Variants in DGKB observed in about 807,000 individuals in gnomAD.
DGKB encodes diacylglycerol kinase beta, also known as 90 kDa diacylglycerol kinase.
DGKB carries 67 observed loss-of-function variants against 114.3 expected under a neutral mutation model. The ratio of observed to expected loss-of-function variants is 0.59; its 90% CI spans 0.48 to 0.72. DGKB has a LOEUF of 0.72. DGKB is among the 30% of genes least tolerant of loss of function. DGKB has a pLI of 0.00. For synonymous variants in DGKB, 398 were observed against 323.1 expected, an observed-to-expected ratio of 1.23 and a Z score of -2.49; for missense variants, 907 against 975.2, an observed-to-expected ratio of 0.93 and a Z score of 0.93.
chr7:14,650,871 C>G (rs1050961407), intron 13 of DGKB, among the ~76,000 whole-genome samples: 3 of 151,808 alleles, frequency 2.0e-5, no homozygotes, highest in African/African-American at 4.8e-5. Context: ...ACAAACACCT[C>G]TACGCAAATA....
chr7:14,801,652 C>G (rs1586606860), intron 2 of DGKB, among the ~76,000 whole-genome samples: 1 of 151,974 alleles, frequency 6.6e-6, no homozygotes, highest in Non-Finnish European at 1.5e-5. Flanking sequence ...CTGGGACTAA[C>G]AGTTACACTA....
At chr7:14,811,206 T>G (rs1307305025) in intron 2 of DGKB, among the ~76,000 whole-genome samples, 1 of 152,102 alleles carries the variant, frequency 6.6e-6, no homozygotes, top group African/African-American at 2.4e-5. Context: ...CTGTAAAAAA[T>G]TATCTGTTTA....
intron 23 of DGKB, among the ~76,000 whole-genome samples, chr7:14,226,255 C>A (rs1023621842): frequency 1.3e-5 from 2 of 151,878 alleles, no homozygotes; most frequent in Admixed American, 1.3e-4. Context: ...TCCCTAGTTA[C>A]TCATTTTTTT....
At chr7:14,425,950 TG>T (rs1239962878) in intron 21 of DGKB, among the ~76,000 whole-genome samples, 1 of 152,190 alleles carries the variant, frequency 6.6e-6, no homozygotes, top group Non-Finnish European at 1.5e-5. Context: ...ATTCAATTTT[TG>T]TTGGTAACAG....
intron 2 of DGKB, among the ~76,000 whole-genome samples, chr7:14,784,807 C>T (rs1225563345): frequency 6.6e-6 from 1 of 151,496 alleles, no homozygotes; most frequent in Non-Finnish European, 1.5e-5. Flanking sequence ...CATTATTTTA[C>T]CTCCTGTGTC....
chr7:14,904,837 C>T (rs377515557), upstream of DGKB, among the ~76,000 whole-genome samples: 4 of 152,148 alleles, frequency 2.6e-5, no homozygotes, highest in East Asian at 7.7e-4. Context: ...CTTTTTTATA[C>T]TTGTGTACAC....
At chr7:14,314,433 T>G (rs1449163883) in intron 23 of DGKB, among the ~76,000 whole-genome samples, 2 of 151,308 alleles carry the variant, frequency 1.3e-5, no homozygotes, top group Non-Finnish European at 3.0e-5. Flanking sequence ...AGAGAAGTGC[T>G]TAAAGGAGCT....
Position 14,780,082 on chromosome 7 carries a change from T to A in DGKB, c.71-22351A>T, listed in dbSNP as rs557481343. Among the ~76,000 whole-genome samples the A allele has an allele frequency of 3.9e-5, 6 of 152,346 alleles. No individual in the cohort carries two copies. The South Asian group carries it at 1.2e-3, about 32-fold the overall frequency. On this transcript the variant is annotated intron_variant, in intron 2 of 25. Coordinates refer to ENST00000402815, the MANE Select transcript of DGKB (RefSeq NM_001350709.2). Reference sequence around the variant, plus strand: ...AAAGTATGGAAGTGATCTATGCTGATTCTATGTTGGGACACTTAAACAGTG... The same window carrying A: ...AAAGTATGGAAGTGATCTATGCTGAATCTATGTTGGGACACTTAAACAGTG...
chr7:14,584,728 G>C (rs745799058), intron 17 of DGKB, among the ~76,000 whole-genome samples: 4 of 151,310 alleles, frequency 2.6e-5, no homozygotes, highest in Non-Finnish European at 5.9e-5. Context: ...GTGCAATCTC[G>C]ACTCACTGCA....
At chr7:14,620,993 T>C (rs1807531200) in intron 15 of DGKB, 1 of 152,210 alleles carries the variant, frequency 6.6e-6, no homozygotes, top group Non-Finnish European at 1.5e-5. Flanking sequence ...CTAAAGTCTT[T>C]TTTGCTATCA....
At chr7:14,362,822 C>A (rs552907179) in intron 21 of DGKB, among the ~76,000 whole-genome samples, 1 of 152,154 alleles carries the variant, frequency 6.6e-6, no homozygotes, top group East Asian at 1.9e-4. Flanking sequence ...TTAACGGGCA[C>A]GAGTTCTTCC....
chr7:14,886,241 T>C (rs763933003), intron 1 of DGKB, among the ~76,000 whole-genome samples: 10 of 151,796 alleles, frequency 6.6e-5, no homozygotes, highest in Non-Finnish European at 1.5e-4. Context: ...GCTGGGAGGT[T>C]ACTAGAAAGA....
chr7:14,345,432 T>A, intron 21 of DGKB, 41 bp from the exon 22 acceptor site: 1 of 1,041,552 alleles, frequency 9.6e-7, no homozygotes, highest in African/African-American at 1.6e-5. Context: ...CAATTATCAA[T>A]AACAGAGGGA....
At chr7:14,472,316 G>A (rs745981404) in intron 21 of DGKB, among the ~76,000 whole-genome samples, 12 of 152,200 alleles carry the variant, frequency 7.9e-5, no homozygotes, top group Admixed American at 4.6e-4. Context: ...TCACAAGATC[G>A]GATAGTTCTG....
intron 2 of DGKB, among the ~76,000 whole-genome samples, chr7:14,776,174 TA>T (rs1838144427): frequency 6.6e-6 from 1 of 152,144 alleles, no homozygotes; most frequent in Non-Finnish European, 1.5e-5. Flanking sequence ...AGAAATGATT[TA>T]ATGTATCTGA....
intron 23 of DGKB, among the ~76,000 whole-genome samples, chr7:14,241,462 T>C (rs540576788): frequency 6.6e-6 from 1 of 151,944 alleles, no homozygotes; most frequent in African/African-American, 2.4e-5. Flanking sequence ...CAGCTTAATA[T>C]AAAAAACGAC....
chr7:14,377,686 A>G (rs959036495), intron 21 of DGKB, among the ~76,000 whole-genome samples: 13 of 152,148 alleles, frequency 8.5e-5, no homozygotes, highest in Non-Finnish European at 1.9e-4. Context: ...CTTGGCCCCC[A>G]AGATGCCTGT....
At chr7:14,881,715 ATATGT>A (rs923912237) in intron 1 of DGKB, among the ~76,000 whole-genome samples, 56 of 152,194 alleles carry the variant, frequency 3.7e-4, no homozygotes, top group African/African-American at 1.3e-3. Flanking sequence ...ATTGACCTGA[ATATGT>A]TGAACTCTTT....
intron 14 of DGKB, among the ~76,000 whole-genome samples, chr7:14,621,907 CATG>C (rs1365813678): frequency 6.6e-6 from 1 of 152,032 alleles, no homozygotes; most frequent in Non-Finnish European, 1.5e-5. Context: ...TTTTTAATTG[CATG>C]ATGGACTTTT....
Sources: gnomAD v4.1 joint callset for allele counts (sites outside exome capture counted in the v4.1 genomes callset) on GRCh38, gnomAD v4.1.1 for gene constraint, MANE v1.5 for transcripts, NCBI Gene and HGNC (gene_info 2026-07-23, HGNC 2026-07-21) for gene names.